PXDNL: variants seen among roughly 807,000 people sequenced by gnomAD.
The protein encoded by PXDNL is peroxidasin like.
A neutral mutation model predicts 150.8 loss-of-function variants in PXDNL; 145 were observed. The observed-to-expected ratio is 0.96, with a 90% CI of 0.84 to 1.10. The LOEUF is 1.10. PXDNL is among the 50% of genes least tolerant of loss of function. The pLI, the probability that PXDNL is intolerant of heterozygous loss-of-function variation, is 0.00. For synonymous variants in PXDNL, 757 were observed against 725.7 expected (o/e 1.04, Z -0.69); for missense variants, 2,087 against 1,873.9 (o/e 1.11, Z -2.10).
At chr8:51,373,353 T>A (rs1399444890) in intron 18 of PXDNL, among the ~76,000 whole-genome samples, 2 of 152,150 alleles carry the variant, frequency 1.3e-5, no homozygotes, top group Non-Finnish European at 2.9e-5. Context: ...AATAACAAAT[T>A]TCTGTTGTCT....
intron 2 of PXDNL, among the ~76,000 whole-genome samples, chr8:51,619,216 G>A (rs1814188250): frequency 1.3e-5 from 2 of 152,112 alleles, no homozygotes; most frequent in African/African-American, 4.8e-5. Flanking sequence ...GAAACCAGAA[G>A]GCCCTTTCCC....
intron 1 of PXDNL, among the ~76,000 whole-genome samples, chr8:51,656,094 C>T (rs7005914): frequency 0.073 from 11,109 of 152,088 alleles, 1,349 homozygotes; most frequent in African/African-American, 0.25. Flanking sequence ...TTTTATAGGG[C>T]GCTAGAATGG....
At chr8:51,497,262 G>C (rs7830904) in intron 5 of PXDNL, among the ~76,000 whole-genome samples, 1 of 151,810 alleles carries the variant, frequency 6.6e-6, no homozygotes, top group Non-Finnish European at 1.5e-5. Flanking sequence ...ATCCCTTCCT[G>C]ACACCTTATA....
chr8:51,539,741 T>G (rs1348228964), intron 4 of PXDNL, among the ~76,000 whole-genome samples: 2 of 152,234 alleles, frequency 1.3e-5, no homozygotes, highest in Non-Finnish European at 2.9e-5. Context: ...AATTTACTAA[T>G]ATAAAACTCT....
At chr8:51,758,430 C>T (rs1387346404) in intron 1 of PXDNL, among the ~76,000 whole-genome samples, 1 of 152,068 alleles carries the variant, frequency 6.6e-6, no homozygotes, top group Non-Finnish European at 1.5e-5. Context: ...TACTTTGCAA[C>T]AATTAGAATG....
chr8:51,446,421 A>C (rs774160014), intron 12 of PXDNL, among the ~76,000 whole-genome samples: 1 of 152,242 alleles, frequency 6.6e-6, no homozygotes, highest in African/African-American at 2.4e-5. Flanking sequence ...TTTCAGCAGT[A>C]ATTAATAACA....
chr8:51,379,257 T>G (rs969404136), intron 17 of PXDNL, among the ~76,000 whole-genome samples: 3 of 152,176 alleles, frequency 2.0e-5, no homozygotes, highest in African/African-American at 7.2e-5. Context: ...TCATGTTATT[T>G]TGTGTTCTCT....
intron 1 of PXDNL, among the ~76,000 whole-genome samples, chr8:51,699,048 T>G (rs1413951440): frequency 6.6e-6 from 1 of 152,106 alleles, no homozygotes; most frequent in Non-Finnish European, 1.5e-5. Context: ...ACAGGCAGAG[T>G]ACATTTAACA....
chr8:51,475,279 A>C, intron 6 of PXDNL, 138 bp from the exon 7 acceptor site: 1 of 776,402 alleles, frequency 1.3e-6, no homozygotes, highest in Non-Finnish European at 2.0e-6. Flanking sequence ...ATTAACCAAT[A>C]AACAGATTTT....
At chr8:51,604,622 A>G (rs1191054130) in intron 2 of PXDNL, among the ~76,000 whole-genome samples, 1 of 152,218 alleles carries the variant, frequency 6.6e-6, no homozygotes, top group South Asian at 2.1e-4. Context: ...CACGTTGTGC[A>G]CATGTACCCT....
chr8:51,698,716 G>A (rs1312654937), intron 1 of PXDNL, among the ~76,000 whole-genome samples: 3 of 152,076 alleles, frequency 2.0e-5, no homozygotes. Flanking sequence ...CTTTTCCCAG[G>A]TCCCTCAGAG....
chr8:51,725,044 G>A (rs1488676337), intron 1 of PXDNL, among the ~76,000 whole-genome samples: 1 of 152,014 alleles, frequency 6.6e-6, no homozygotes, highest in Non-Finnish European at 1.5e-5. Context: ...CTGGAGTGCA[G>A]TGGCACCATT....
chr8:51,669,317 T>A (rs1380130740), intron 1 of PXDNL, among the ~76,000 whole-genome samples: 1 of 152,212 alleles, frequency 6.6e-6, no homozygotes, highest in Admixed American at 6.5e-5. Flanking sequence ...ATTATTTACT[T>A]CTAGTAACTA....
intron 2 of PXDNL, among the ~76,000 whole-genome samples, chr8:51,618,318 G>T (rs1270018251): frequency 6.6e-6 from 1 of 152,236 alleles, no homozygotes; most frequent in Non-Finnish European, 1.5e-5. Context: ...CTTTTCCTTG[G>T]ACTTCAATAT....
intron 1 of PXDNL, among the ~76,000 whole-genome samples, chr8:51,729,587 C>A (rs1169565436): frequency 2.0e-5 from 3 of 152,180 alleles, no homozygotes; most frequent in Non-Finnish European, 4.4e-5. Flanking sequence ...GAAAGTTTGG[C>A]AGTTTCTTAC....
intron 12 of PXDNL, among the ~76,000 whole-genome samples, chr8:51,441,282 T>A (rs971704974): frequency 2.0e-5 from 3 of 152,224 alleles, no homozygotes; most frequent in Non-Finnish European, 2.9e-5. Context: ...ACCTCTTTTC[T>A]TTATAAATTA....
intron 4 of PXDNL, among the ~76,000 whole-genome samples, chr8:51,510,141 G>A (rs540507618): frequency 6.6e-6 from 1 of 152,232 alleles, no homozygotes; most frequent in Non-Finnish European, 1.5e-5. Flanking sequence ...AATGTAGGGG[G>A]AGTATTGGAT....
At chr8:51,442,872 TA>T (rs34828388) in intron 12 of PXDNL, among the ~76,000 whole-genome samples, 1 of 151,858 alleles carries the variant, frequency 6.6e-6, no homozygotes, top group Non-Finnish European at 1.5e-5. Context: ...TGCTTGTTTT[TA>T]AAAAATACCT....
intron 10 of PXDNL, among the ~76,000 whole-genome samples, chr8:51,451,960 A>G (rs998140640): frequency 6.6e-6 from 1 of 152,212 alleles, no homozygotes; most frequent in Non-Finnish European, 1.5e-5. Flanking sequence ...TGGCCATTTC[A>G]GTGCAAACTC....
Sources: allele counts gnomAD v4.1 joint callset (sites outside exome capture counted in the v4.1 genomes callset), GRCh38; gene constraint gnomAD v4.1.1; transcripts MANE v1.5; gene names NCBI Gene and HGNC (gene_info 2026-07-23, HGNC 2026-07-21).